Variants in CELF4 observed in about 807,000 individuals in gnomAD.
CELF4 encodes CUG-BP- and ETR-3-like factor 4.
A neutral mutation model predicts 59.9 loss-of-function variants in CELF4; 18 were observed. The ratio of observed to expected loss-of-function variants is 0.30; its 90% CI spans 0.21 to 0.45. The LOEUF is 0.45. CELF4 is among the 20% of genes least tolerant of loss of function. The pLI is 1.00. For synonymous variants in CELF4, 261 were observed against 267.1 expected (o/e 0.98, Z 0.22); for missense variants, 456 against 689.0 (o/e 0.66, Z 3.79).
intron 2 of CELF4, among the ~76,000 whole-genome samples, chr18:37,470,871 T>TGACA (rs1406176161): frequency 0.02 from 2,269 of 115,038 alleles, 38 homozygotes; most frequent in Non-Finnish European, 0.03. Context: ...TGTGTGTGTG[T>TGACA]GTGTGTGTGT....
At chr18:37,346,855 G>A (rs552130637) in intron 2 of CELF4, among the ~76,000 whole-genome samples, 6 of 152,212 alleles carry the variant, frequency 3.9e-5, no homozygotes, top group Admixed American at 6.5e-5. Flanking sequence ...GGAAGTCAGC[G>A]GCCCCATGAT....
At chr18:37,259,627 T>A (rs865891029) in intron 10 of CELF4, among the ~76,000 whole-genome samples, 9 of 152,080 alleles carry the variant, frequency 5.9e-5, no homozygotes, top group African/African-American at 2.2e-4. Flanking sequence ...GCCCAGGAGA[T>A]CCGGGAGGCC....
chr18:37,253,457 G>A lies in CELF4; in HGVS notation c.*44+310C>T, dbSNP rs1409402197. Among the ~76,000 whole-genome samples the A allele has an allele frequency of 6.6e-6, 1 of 152,182 alleles. No individual in the cohort carries two copies. Among genetic ancestry groups the A allele is most frequent in the South Asian group, 2.1e-4 (1 of 4,838 alleles). On this transcript the variant is annotated intron_variant, in intron 12 of 12. Transcript: ENST00000420428. This position sits in a 1 kb window ranked among gnomAD's most constrained non-coding sequence, Gnocchi z 4.5. ...TGAGCTTGCCACCTGTTCACCCCAG[G>A]GTTCTCTGGCCAACAGGACTGCCAA... is the stretch of plus-strand genomic sequence containing the variant.
chr18:37,551,203 C>T (rs936094367), intron 1 of CELF4, among the ~76,000 whole-genome samples: 1 of 152,124 alleles, frequency 6.6e-6, no homozygotes, highest in African/African-American at 2.4e-5. Flanking sequence ...CAGTTCTGTT[C>T]TCCCCTGAGA....
At chr18:37,518,066 G>A (rs2099952896) in intron 1 of CELF4, among the ~76,000 whole-genome samples, 1 of 152,076 alleles carries the variant, frequency 6.6e-6, no homozygotes. Flanking sequence ...ACTGGGCCAT[G>A]GGGAGACCTG....
intron 1 of CELF4, among the ~76,000 whole-genome samples, chr18:37,507,401 T>C (rs1423486446): frequency 6.6e-6 from 1 of 152,188 alleles, no homozygotes; most frequent in Non-Finnish European, 1.5e-5. Flanking sequence ...TCCTCACTCA[T>C]CTTCTCTGGT....
chr18:37,550,050 T>C (rs2099982655), intron 1 of CELF4, among the ~76,000 whole-genome samples: 1 of 117,666 alleles, frequency 8.5e-6, no homozygotes, highest in East Asian at 2.9e-4. Context: ...ATGGGGAAGA[T>C]ATCTCCATCA....
intron 1 of CELF4, among the ~76,000 whole-genome samples, chr18:37,506,199 C>T (rs1460428802): frequency 6.6e-6 from 1 of 152,182 alleles, no homozygotes; most frequent in Non-Finnish European, 1.5e-5. Flanking sequence ...GCAAAGCCAT[C>T]CCTTGCGTCC....
rs1316070243 is a variant in CELF4, at chr18:37,306,931, T to C, written c.448+14872A>G. 4.6e-5 allele frequency among the ~76,000 whole-genome samples: 7 copies of C among 152,270 alleles called. No individual in the cohort carries two copies. In the East Asian group the frequency reaches 1.4e-3, roughly 29 times the overall value. On this transcript the variant is annotated intron_variant, in intron 3 of 12. Coordinates refer to ENST00000420428, the MANE Select transcript of CELF4 (RefSeq NM_020180.4). ...TCTGCACTTGACAGGACAGCATCGC[T>C]TCATTTCTCAAATGCTGGGGCCCAG...
chr18:37,269,170 C>T (rs1343866238), intron 8 of CELF4, among the ~76,000 whole-genome samples: 1 of 152,072 alleles, frequency 6.6e-6, no homozygotes, highest in Non-Finnish European at 1.5e-5. Flanking sequence ...CTTGCACAGC[C>T]CCACCCTGCC....
At chr18:37,456,106 C>T (rs1480981832) in intron 2 of CELF4, among the ~76,000 whole-genome samples, 2 of 152,182 alleles carry the variant, frequency 1.3e-5, no homozygotes, top group African/African-American at 4.8e-5. Flanking sequence ...CCCAGAGCCT[C>T]GGTCCTGCTT....
chr18:37,322,809 C>A (rs1167129466), intron 2 of CELF4, among the ~76,000 whole-genome samples: 1 of 152,218 alleles, frequency 6.6e-6, no homozygotes, highest in African/African-American at 2.4e-5. Context: ...CTGAGCCCTT[C>A]TTGCATCTGC....
intron 1 of CELF4, among the ~76,000 whole-genome samples, chr18:37,509,377 A>G (rs1234851090): frequency 1.3e-5 from 2 of 152,252 alleles, no homozygotes; most frequent in African/African-American, 4.8e-5. Context: ...GTGTGGTGAA[A>G]AAATCCAGGA....
intron 1 of CELF4, among the ~76,000 whole-genome samples, chr18:37,560,083 G>A (rs2099986087): frequency 6.6e-6 from 1 of 152,202 alleles, no homozygotes; most frequent in Non-Finnish European, 1.5e-5. Context: ...AGTATACCAA[G>A]GGGGTTATTT....
chr18:37,374,178 C>T (rs1281726647), intron 2 of CELF4, among the ~76,000 whole-genome samples: 1 of 152,220 alleles, frequency 6.6e-6, no homozygotes, highest in East Asian at 1.9e-4. Context: ...CAGGTCCCCA[C>T]CTCTTCACTC....
At chr18:37,409,372 G>A (rs1236637799) in intron 2 of CELF4, among the ~76,000 whole-genome samples, 1 of 152,128 alleles carries the variant, frequency 6.6e-6, no homozygotes, top group Non-Finnish European at 1.5e-5. Context: ...GGAATCTTGG[G>A]GGTATTGCAG....
At chr18:37,547,394 C>G (rs529189844) in intron 1 of CELF4, among the ~76,000 whole-genome samples, 119 of 152,254 alleles carry the variant, frequency 7.8e-4, no homozygotes, top group African/African-American at 2.8e-3. Context: ...CTACCCTGCT[C>G]CTCTCCTTCC....
rs376138796 is a variant in CELF4, at chr18:37,334,547, G to A, written c.370-12666C>T. Among the ~76,000 whole-genome samples the A allele has an allele frequency of 1.8e-4, 27 of 152,196 alleles. No homozygotes were observed. The East Asian group carries it at 2.1e-3, about 12-fold the overall frequency. Reference sequence around the variant, plus strand: ...AGAAGGGGGTGGCATTGTGGCCACCGGCGGCTGGACGGAGACCCTTGTCTG... The same window carrying A: ...AGAAGGGGGTGGCATTGTGGCCACCAGCGGCTGGACGGAGACCCTTGTCTG... On this transcript the variant is annotated intron_variant, in intron 2 of 12. Transcript: ENST00000420428.
At chr18:37,270,157 G>C (rs909119513) in intron 8 of CELF4, among the ~76,000 whole-genome samples, 2 of 149,740 alleles carry the variant, frequency 1.3e-5, no homozygotes, top group African/African-American at 5.0e-5. Context: ...ATCAGGAGCA[G>C]GCCTCTTGGA....
Sources: gnomAD v4.1 joint callset for allele counts (sites outside exome capture counted in the v4.1 genomes callset) on GRCh38, gnomAD v4.1.1 for gene constraint, Gnocchi (gnomAD v3.1) non-coding constraint, MANE v1.5 for transcripts, NCBI Gene and HGNC (gene_info 2026-07-23, HGNC 2026-07-21) for gene names.